Variants in IQCJ observed in about 807,000 individuals in gnomAD.
IQCJ encodes IQ motif containing J.
IQCJ carries 9 observed loss-of-function variants against 11.0 expected under a neutral mutation model. The ratio of observed to expected loss-of-function variants is 0.82; its 90% CI spans 0.49 to 1.43. The LOEUF is 1.43. Ranked by LOEUF, IQCJ falls within the 40% of genes most tolerant of loss-of-function variation. IQCJ has a pLI of 0.00. For synonymous variants in IQCJ, 55 were observed against 51.3 expected, an observed-to-expected ratio of 1.07 and a Z score of -0.31; for missense variants, 146 against 133.2, an observed-to-expected ratio of 1.10 and a Z score of -0.47.
At chr3:159,251,194 C>T (rs1727578371) in intron 2 of IQCJ, among the ~76,000 whole-genome samples, 1 of 152,078 alleles carries the variant, frequency 6.6e-6, no homozygotes, top group South Asian at 2.1e-4. Context: ...TTCCCTACCG[C>T]CAGGACATTC....
intron 1 of IQCJ, among the ~76,000 whole-genome samples, chr3:159,169,688 A>G (rs534985746): frequency 7.9e-5 from 12 of 152,204 alleles, no homozygotes; most frequent in African/African-American, 2.9e-4. Flanking sequence ...TGCTTCACCC[A>G]CCTTCAGAGT....
intron 1 of IQCJ, among the ~76,000 whole-genome samples, chr3:159,240,692 G>A (rs182216695): frequency 6.6e-6 from 1 of 152,232 alleles, no homozygotes; most frequent in Admixed American, 6.5e-5. Flanking sequence ...GCTCACACCT[G>A]TAATCCCAGC....
chr3:159,193,716 A>G (rs755369760), intron 1 of IQCJ, among the ~76,000 whole-genome samples: 2 of 152,212 alleles, frequency 1.3e-5, no homozygotes, highest in Non-Finnish European at 1.5e-5. Flanking sequence ...GAATGTAATC[A>G]ACTTGCCACC....
Position 159,250,677 on chromosome 3 carries a change from T to C in IQCJ, c.75-2050T>C, listed in dbSNP as rs1727544196. Among the ~76,000 whole-genome samples the C allele has an allele frequency of 2.0e-5, 3 of 152,186 alleles. No individual in the cohort carries two copies. In the South Asian group the frequency reaches 6.2e-4, roughly 32 times the overall value. ...CATCAGATCTTGTGAGAACTCACTA[T>C]CATGAGAACAGTGTGGGGGAAACTG... On this transcript the variant is annotated intron_variant, in intron 2 of 3. Transcript: ENST00000397832.
chr3:159,177,511 A>G (rs930169731), intron 1 of IQCJ, among the ~76,000 whole-genome samples: 1 of 152,182 alleles, frequency 6.6e-6, no homozygotes, highest in African/African-American at 2.4e-5. Flanking sequence ...TATTTATCAC[A>G]TGACCCAGCA....
intron 1 of IQCJ, among the ~76,000 whole-genome samples, chr3:159,196,691 C>CTTATTA (rs1724000531): frequency 4.6e-5 from 7 of 152,234 alleles, no homozygotes; most frequent in African/African-American, 1.7e-4. Flanking sequence ...TTTCTTAGTT[C>CTTATTA]CCAGTCTTAT....
In IQCJ at chr3:159,107,358, C is replaced by A. The variant is rs149471058; in HGVS notation, c.9+37917C>A. On this transcript the variant is annotated intron_variant, in intron 1 of 3. Coordinates refer to ENST00000397832, the MANE Select transcript of IQCJ (RefSeq NM_001042706.3). ...TACTTTCCAGTAACCAGGAGGTTGA[C>A]CTCACCAGACAGCAAATGTGCTGGC... Among the ~76,000 whole-genome samples, 585 of 152,298 alleles carry A rather than the reference C, an allele frequency of 3.8e-3. 6 individuals are homozygous for A. Among genetic ancestry groups the A allele is most frequent in the African/African-American group, 0.012 (516 of 41,570 alleles).
At chr3:159,165,750 A>G (rs984425988) in intron 1 of IQCJ, among the ~76,000 whole-genome samples, 2 of 148,358 alleles carry the variant, frequency 1.3e-5, no homozygotes, top group Non-Finnish European at 3.0e-5. Context: ...AGTAGCTGGG[A>G]CTACAGGCAT....
At chr3:159,265,244 T>A (rs772901361), downstream of IQCJ, 4 of 1,613,782 alleles carry the variant, frequency 2.5e-6, no homozygotes, top group Non-Finnish European at 3.4e-6. Context: ...GGAAGATTCA[T>A]CCTTACATCT....
At chr3:159,083,869 G>T (rs971623437) in intron 1 of IQCJ, among the ~76,000 whole-genome samples, 6 of 152,084 alleles carry the variant, frequency 3.9e-5, no homozygotes, top group Non-Finnish European at 8.8e-5. Flanking sequence ...AAATTATATA[G>T]ATGGGGAACA....
chr3:159,163,332 A>G (rs535001117), intron 1 of IQCJ, among the ~76,000 whole-genome samples: 2 of 152,330 alleles, frequency 1.3e-5, no homozygotes, highest in African/African-American at 4.8e-5. Context: ...CCACATGACT[A>G]TCTCAATAGA....
At chr3:159,075,646 T>A (rs930652374) in intron 1 of IQCJ, among the ~76,000 whole-genome samples, 2 of 152,020 alleles carry the variant, frequency 1.3e-5, no homozygotes, top group African/African-American at 4.8e-5. Context: ...TTAAAAAAAA[T>A]GAATAAGATA....
chr3:159,201,469 A>G lies in IQCJ; in HGVS notation c.10-44374A>G, dbSNP rs569242252. 1.1e-4 allele frequency among the ~76,000 whole-genome samples: 16 copies of G among 151,922 alleles called. No individual in the cohort carries two copies. In the East Asian group the frequency reaches 2.7e-3, roughly 26 times the overall value. ...ATATGATTTTATGATATTTTTATCA[A>G]TGCATCTATGTAAGCACCAATGGGT... On this transcript the variant is annotated intron_variant, in intron 1 of 3. Coordinates refer to ENST00000397832, the MANE Select transcript of IQCJ (RefSeq NM_001042706.3).
At chr3:159,194,839 G>A (rs1337988964) in intron 1 of IQCJ, among the ~76,000 whole-genome samples, 3 of 152,168 alleles carry the variant, frequency 2.0e-5, no homozygotes, top group African/African-American at 7.2e-5. Flanking sequence ...ACGACTGGGT[G>A]TGGTGGCTCA....
intron 1 of IQCJ, among the ~76,000 whole-genome samples, chr3:159,136,079 G>T (rs1280635139): frequency 1.3e-5 from 2 of 152,102 alleles, no homozygotes; most frequent in Non-Finnish European, 2.9e-5. Context: ...CCAGTAAATG[G>T]CTGGAGTGAG....
intron 1 of IQCJ, among the ~76,000 whole-genome samples, chr3:159,101,177 C>T (rs1329463759): frequency 1.4e-5 from 2 of 147,000 alleles, no homozygotes; most frequent in Non-Finnish European, 1.5e-5. Flanking sequence ...AAGGGAATTC[C>T]CTGACCCCTT....
chr3:159,257,511 G>A (rs1577120805), intron 3 of IQCJ, among the ~76,000 whole-genome samples: 1 of 152,288 alleles, frequency 6.6e-6, no homozygotes, highest in Non-Finnish European at 1.5e-5. Context: ...TGCGTAGGAA[G>A]CATCATCCAT....
At chr3:159,208,722 A>G (rs1724791977) in intron 1 of IQCJ, among the ~76,000 whole-genome samples, 1 of 152,212 alleles carries the variant, frequency 6.6e-6, no homozygotes, top group Non-Finnish European at 1.5e-5. Context: ...TTCATGTCCT[A>G]ACCCTTGGAT....
chr3:159,147,460 A>G (rs1357983496), intron 1 of IQCJ, among the ~76,000 whole-genome samples: 1 of 152,214 alleles, frequency 6.6e-6, no homozygotes, highest in East Asian at 1.9e-4. Context: ...CCTCTGAAGA[A>G]TAAATATGAA....
Sources: allele counts gnomAD v4.1 joint callset (sites outside exome capture counted in the v4.1 genomes callset), GRCh38; gene constraint gnomAD v4.1.1; transcripts MANE v1.5; gene names NCBI Gene and HGNC (gene_info 2026-07-23, HGNC 2026-07-21).